Variants in ABTB2 observed in about 807,000 individuals in gnomAD.
ABTB2 encodes ankyrin repeat and BTB domain containing 2, also known as ankyrin repeat and BTB/POZ domain-containing protein 2.
A neutral mutation model predicts 104.1 loss-of-function variants in ABTB2; 56 were observed. That is an observed-to-expected ratio of 0.54 (90% CI 0.43 to 0.67). The LOEUF (loss-of-function observed/expected upper bound fraction) is 0.67, where lower values mean the gene tolerates loss of function less well. Among genes scored for constraint, ABTB2 ranks in the 30% least tolerant of loss-of-function variants. The probability of loss-of-function intolerance (pLI) is 0.00; values close to 1 mark genes in which losing one functional copy is unlikely to be tolerated. For missense variants in ABTB2, 1,279 were observed against 1,407.7 expected (o/e 0.91, Z 1.46); for synonymous variants, 606 against 608.2 (o/e 1.00, Z 0.05).
intron 1 of ABTB2, among the ~76,000 whole-genome samples, chr11:34,266,698 C>T (rs1346815130): frequency 6.6e-6 from 1 of 152,084 alleles, no homozygotes; most frequent in African/African-American, 2.4e-5. Context: ...GCTGAAAACT[C>T]TGATGACTAA....
intron 3 of ABTB2, among the ~76,000 whole-genome samples, chr11:34,194,663 G>T (rs1472366002): frequency 2.6e-5 from 4 of 151,702 alleles, no homozygotes; most frequent in African/African-American, 9.8e-5. Context: ...GAGCCAGAGG[G>T]CAGCAGATCT....
At chr11:34,250,632 T>C (rs996571629) in intron 1 of ABTB2, among the ~76,000 whole-genome samples, 2 of 152,220 alleles carry the variant, frequency 1.3e-5, no homozygotes, top group African/African-American at 2.4e-5. Context: ...TGAACAGACA[T>C]GGCAGAAAGA....
At chr11:34,169,469 G>C (rs1852840864) in intron 5 of ABTB2, among the ~76,000 whole-genome samples, 1 of 152,132 alleles carries the variant, frequency 6.6e-6, no homozygotes. Context: ...ATCTTAGAGG[G>C]GAGGAAACTG....
At chr11:34,319,458 A>G (rs1854976052) in intron 1 of ABTB2, among the ~76,000 whole-genome samples, 1 of 152,244 alleles carries the variant, frequency 6.6e-6, no homozygotes, top group Admixed American at 6.5e-5. Flanking sequence ...AGCCAAGGAC[A>G]GGTTTGGGAC....
At chr11:34,297,416 A>G (rs942622283) in intron 1 of ABTB2, among the ~76,000 whole-genome samples, 2 of 152,230 alleles carry the variant, frequency 1.3e-5, no homozygotes, top group Admixed American at 1.3e-4. Context: ...AGAATTTCCA[A>G]GCTGGATATA....
intron 3 of ABTB2, among the ~76,000 whole-genome samples, chr11:34,190,428 C>G (rs1022635131): frequency 6.6e-6 from 1 of 152,180 alleles, no homozygotes; most frequent in Non-Finnish European, 1.5e-5. Flanking sequence ...TCCTCCTGCA[C>G]TGTCTGGTGG....
rs1854399760 is a variant in ABTB2 at position 34,277,694 on chromosome 11, C to T, written c.884-73004G>A. Among the ~76,000 whole-genome samples, 5 of 151,160 alleles carry T rather than the reference C, an allele frequency of 3.3e-5. No homozygotes were observed. In the South Asian group the frequency reaches 6.3e-4, roughly 19 times the overall value. On this transcript the variant is annotated intron_variant, in intron 1 of 16. Coordinates refer to ENST00000435224, the MANE Select transcript of ABTB2 (RefSeq NM_145804.3). ...ACTCAGGAGGCTGAGGCAGGAGAAT[C>T]GCTTGAACCCAGGAGGCAGAGCTTA...
chr11:34,290,739 A>G (rs1854557905), intron 1 of ABTB2, among the ~76,000 whole-genome samples: 1 of 152,348 alleles, frequency 6.6e-6, no homozygotes, highest in South Asian at 2.1e-4. Flanking sequence ...CAGAAACACC[A>G]TGGAACAAAA....
At chr11:34,190,614 A>AT (rs1180254610) in intron 3 of ABTB2, among the ~76,000 whole-genome samples, 1 of 152,220 alleles carries the variant, frequency 6.6e-6, no homozygotes, top group Non-Finnish European at 1.5e-5. Flanking sequence ...TGTGTGCTCT[A>AT]TAACGCTCGC....
At position 34,173,157 on chromosome 11, in the gene ABTB2, G is replaced by C; in HGVS notation, c.1395C>G (p.Leu465=). The change falls in exon 4 of 17, where the codon CTC becomes CTG. Residue 465 remains leucine (L), a splice_region_variant and synonymous_variant. Coordinates refer to ENST00000435224, the MANE Select transcript of ABTB2 (RefSeq NM_145804.3). ...CCTCCCTCCTCCCTGGTTCATACTT[G>C]AGCTGCCGAGGTTCACAGTCCAGAC... ...LPGLDCEPRQ[L]KPEHCFSSFR... 6.2e-7 allele frequency: 1 copy of C among 1,613,704 alleles called. No homozygotes were observed. Among genetic ancestry groups the C allele is most frequent in the Non-Finnish European group, 8.5e-7 (1 of 1,179,902 alleles).
chr11:34,242,788 C>T (rs1336479857), intron 1 of ABTB2, among the ~76,000 whole-genome samples: 3 of 152,098 alleles, frequency 2.0e-5, no homozygotes, highest in Non-Finnish European at 4.4e-5. Flanking sequence ...GTGGCTCATG[C>T]GGGCATTGCC....
chr11:34,324,053 G>T (rs2133112596), intron 1 of ABTB2, among the ~76,000 whole-genome samples: 1 of 151,966 alleles, frequency 6.6e-6, no homozygotes, highest in East Asian at 1.9e-4. Context: ...TGGGATTACA[G>T]GTGCCTGCCA....
rs114211232 is a variant in ABTB2 at position 34,195,285 on chromosome 11, C to T, written c.1244+2040G>A. The stretch of plus-strand genomic sequence containing the variant: ...CCTCCTGCCTCTTCCTCCCAGATAT[C>T]TTCCCTGCTCTTTTTCCTTCCCAGC... On this transcript the variant is annotated intron_variant, in intron 3 of 16. Transcript: ENST00000435224. Among the ~76,000 whole-genome samples, 1,473 of 152,322 alleles carry T rather than the reference C, an allele frequency of 9.7e-3. 30 individuals are homozygous for T. Among genetic ancestry groups the T allele is most frequent in the African/African-American group, 0.034 (1,395 of 41,572 alleles).
At chr11:34,229,121 G>GGAAAAAA (rs1554984674) in intron 1 of ABTB2, among the ~76,000 whole-genome samples, 1 of 103,778 alleles carries the variant, frequency 9.6e-6, no homozygotes, top group Non-Finnish European at 1.9e-5. Context: ...CTCCGTCTTG[G>GGAAAAAA]AAAAAAAAAA....
At chr11:34,197,131 A>G (rs567316613) in intron 3 of ABTB2, among the ~76,000 whole-genome samples, 194 bp downstream of exon 3, 2 of 93,322 alleles carry the variant, frequency 2.1e-5, no homozygotes, top group Admixed American at 9.9e-5. Context: ...AGCTCAGAGG[A>G]AAAAAAAATC....
At chr11:34,309,791 CAAAA>C (rs35553114) in intron 1 of ABTB2, among the ~76,000 whole-genome samples, 1 of 140,224 alleles carries the variant, frequency 7.1e-6, no homozygotes, top group African/African-American at 2.6e-5. Context: ...TGATCAGAGT[CAAAA>C]AAAAAAAGAT....
intron 1 of ABTB2, among the ~76,000 whole-genome samples, chr11:34,298,963 T>C (rs1854663008): frequency 6.6e-6 from 1 of 152,204 alleles, no homozygotes; most frequent in South Asian, 2.1e-4. Flanking sequence ...CTTGAACAGT[T>C]TGAATGATTG....
chr11:34,161,181 G>A (rs1021980702), intron 10 of ABTB2, 100 bp from the exon 11 acceptor site: 9 of 1,275,164 alleles, frequency 7.1e-6, no homozygotes, highest in East Asian at 2.7e-5. Context: ...GGATGCCCCC[G>A]CTGTCTGCAG....
chr11:34,177,895 C>G (rs1852976485), intron 3 of ABTB2, among the ~76,000 whole-genome samples: 2 of 152,134 alleles, frequency 1.3e-5, no homozygotes, highest in Non-Finnish European at 2.9e-5. Context: ...CAGCTTTACT[C>G]CTGAACTGCA....
Sources: allele counts gnomAD v4.1 joint callset (sites outside exome capture counted in the v4.1 genomes callset), GRCh38; gene constraint gnomAD v4.1.1; transcripts MANE v1.5; gene names NCBI Gene and HGNC (gene_info 2026-07-23, HGNC 2026-07-21).